The following ERCC6L2 variants were observed in gnomAD, a reference collection of about 807,000 sequenced individuals.
ERCC6L2 encodes the protein ERCC excision repair 6 like 2, also known as DNA excision repair protein ERCC-6-like 2.
ERCC6L2 carries 77 observed loss-of-function variants against 132.0 expected under a neutral mutation model. The observed-to-expected ratio is 0.58, with a 90% CI of 0.49 to 0.71. The LOEUF (loss-of-function observed/expected upper bound fraction) is 0.71, where lower values mean the gene tolerates loss of function less well. Ranked by LOEUF, ERCC6L2 falls within the 30% of genes least tolerant of loss-of-function variation. The probability of loss-of-function intolerance (pLI) is 0.00; values close to 1 mark genes in which losing one functional copy is unlikely to be tolerated. For missense variants in ERCC6L2, 1,542 were observed against 1,837.6 expected, an observed-to-expected ratio of 0.84 and a Z score of 2.94; for synonymous variants, 583 against 632.4, an observed-to-expected ratio of 0.92 and a Z score of 1.17.
chr9:96,028,775 C>T (rs1241522796), intron 19 of ERCC6L2, among the ~76,000 whole-genome samples: 1 of 152,184 alleles, frequency 6.6e-6, no homozygotes. Context: ...AAGGGATTAC[C>T]ATTCCAAACT....
At chr9:95,985,478 C>A (rs572027925) in intron 17 of ERCC6L2, among the ~76,000 whole-genome samples, 2 of 152,146 alleles carry the variant, frequency 1.3e-5, no homozygotes, top group African/African-American at 4.8e-5. Context: ...CACCTTTGAG[C>A]AGCATAAATG....
In ERCC6L2 at chr9:95,978,420, C is replaced by G. The variant is rs111366909; in HGVS notation, c.3492+205C>G. Among the ~76,000 whole-genome samples the G allele has an allele frequency of 5.3e-3, 806 of 152,196 alleles. 7 individuals carry two copies. Among genetic ancestry groups the G allele is most frequent in the Non-Finnish European group, 8.2e-3 (561 of 68,008 alleles). On this transcript the variant is annotated intron_variant, in intron 17 of 18. Transcript: ENST00000653738. ...AAACAACAAATTTATACCCAAATAC[C>G]TAATCATGTTGAGTTGCTTAATAGT...
Position 96,004,651 on chromosome 9 carries a change from T to C in ERCC6L2, c.3624T>C (p.His1208=). Residue 1208 remains histidine, a synonymous_variant, in exon 18 of 19, where the codon CAT becomes CAC. Transcript: ENST00000653738. ...PVNQKKKKVY[H]TNQTTFIIGE... The stretch of plus-strand genomic sequence containing the variant: ...ACCAGAAGAAGAAAAAAGTCTACCA[T>C]ACAAACCAGACCACCTTCATAATTG... The C allele has an allele frequency of 7.5e-7, 1 of 1,339,570 alleles. No individual in the cohort carries two copies. The highest frequency in any genetic ancestry group is 9.9e-7 in the Non-Finnish European group (1 of 1,006,806). The allele number at this position is 1,339,570 out of a possible 1,614,324, so 83.0% of individuals were successfully genotyped here. A position where few individuals can be genotyped will look rare whatever the true frequency, so the allele number is the denominator to read the frequency against.
chr9:96,038,932 G>A (rs1190780224), exon 20 of ERCC6L2: 1 of 456,154 alleles, frequency 2.2e-6, no homozygotes, highest in Non-Finnish European at 4.4e-6. Context: ...ATGTCATAAG[G>A]AAGCTCAAGC....
At chr9:95,882,260 A>G (rs1432224643) in intron 2 of ERCC6L2, among the ~76,000 whole-genome samples, 1 of 152,226 alleles carries the variant, frequency 6.6e-6, no homozygotes, top group Non-Finnish European at 1.5e-5. Context: ...CTTTTGTCAC[A>G]TTCTTCTCAT....
rs537651550 is a variant in ERCC6L2, at chr9:95,877,556, C to T, written c.46+1472C>T. 2.0e-5 allele frequency among the ~76,000 whole-genome samples: 3 copies of T among 152,238 alleles called. No homozygotes were observed. The South Asian group carries it at 6.2e-4, about 32-fold the overall frequency. Reference sequence around the variant, plus strand: ...TGTAATAGGCCAGGCGCATGGCTCACACCTGTAATCCCAGTACTTTGGGGA... The same window carrying T: ...TGTAATAGGCCAGGCGCATGGCTCATACCTGTAATCCCAGTACTTTGGGGA... On this transcript the variant is annotated intron_variant, in intron 1 of 18. Coordinates refer to ENST00000653738, the MANE Select transcript of ERCC6L2 (RefSeq NM_020207.7).
chr9:95,909,186 T>G (rs1829223422), intron 4 of ERCC6L2, among the ~76,000 whole-genome samples: 1 of 152,186 alleles, frequency 6.6e-6, no homozygotes, highest in African/African-American at 2.4e-5. Flanking sequence ...TGGTAAACTT[T>G]TTCTGTAAAG....
At chr9:95,994,475 GT>G (rs545780770) in intron 17 of ERCC6L2, among the ~76,000 whole-genome samples, 3 of 152,232 alleles carry the variant, frequency 2.0e-5, no homozygotes, top group African/African-American at 7.2e-5. Flanking sequence ...TCTTTGTTCT[GT>G]TTGCTCCGTG....
chr9:95,917,879 A>G (rs1031479553), intron 6 of ERCC6L2, among the ~76,000 whole-genome samples: 11 of 152,200 alleles, frequency 7.2e-5, no homozygotes, highest in African/African-American at 2.7e-4. Context: ...CACATAAGAA[A>G]TATTGAGTAA....
At chr9:95,965,563 C>T (rs1189831197) in intron 13 of ERCC6L2, among the ~76,000 whole-genome samples, 1 of 152,086 alleles carries the variant, frequency 6.6e-6, no homozygotes, top group Admixed American at 6.6e-5. Context: ...GGCTGGAGTG[C>T]AGTGGCGCCA....
chr9:95,966,589 GA>G lies in ERCC6L2; in HGVS notation c.1979del (p.Asn660MetfsTer46). The G allele has an allele frequency of 1.3e-6, 2 of 1,526,302 alleles. No individual in the cohort carries two copies. Among genetic ancestry groups the G allele is most frequent in the Non-Finnish European group, 8.9e-7 (1 of 1,119,590 alleles). The allele number at this position is 1,526,302 out of a possible 1,614,324, so 94.5% of individuals were successfully genotyped here. ...ACTTCACTGTGTGGTGGTTGGAAGT[GA>G]AAATGCCAAACGATATTTTGAAGCA... ...QQLHCVVVGS[E>X]NAKRYFEAVQ... On this transcript the variant is annotated frameshift_variant, in exon 14 of 19. Coordinates refer to ENST00000653738, the MANE Select transcript of ERCC6L2 (RefSeq NM_020207.7). LOFTEE classifies it high-confidence loss of function.
At position 95,956,019 on chromosome 9, in the gene ERCC6L2, T is replaced by G. The variant is rs368059547; in HGVS notation, c.1947+6T>G. 6.6e-7 allele frequency: 1 copy of G among 1,523,096 alleles called. No homozygotes were observed. Among genetic ancestry groups the G allele is most frequent in the African/African-American group, 1.4e-5 (1 of 71,956 alleles). The allele number at this position is 1,523,096 out of a possible 1,614,324, so 94.3% of individuals were successfully genotyped here. On this transcript the variant is annotated splice_donor_region_variant and intron_variant, in intron 13 of 18. Coordinates refer to ENST00000653738, the MANE Select transcript of ERCC6L2 (RefSeq NM_020207.7). ...TACGACAGATATACAAGCAGGTAAATATGTTTCCCTTTTTCTGTTTCAGAG... is the reference window on the plus strand; with the variant it reads ...TACGACAGATATACAAGCAGGTAAAGATGTTTCCCTTTTTCTGTTTCAGAG...
chr9:95,875,876 T>TA lies in ERCC6L2; in HGVS notation c.-163_-162insA. Reference sequence around the variant, plus strand: ...CCCTTAGTCGCTACCTTTGCTGGGATCCCCCTCCTCCATCCTGTGGCTTCG... The same window carrying TA: ...CCCTTAGTCGCTACCTTTGCTGGGATACCCCCTCCTCCATCCTGTGGCTTCG... On this transcript the variant is annotated 5_prime_UTR_variant, in exon 1 of 19. Transcript: ENST00000653738. 3.0e-6 allele frequency: 2 copies of TA among 677,528 alleles called. No homozygotes were observed. Among genetic ancestry groups the TA allele is most frequent in the East Asian group, 5.5e-5 (2 of 36,200 alleles). The allele number at this position is 677,528 out of a possible 1,614,324, so 42.0% of individuals were successfully genotyped here. A position where few individuals can be genotyped will look rare whatever the true frequency, so the allele number is the denominator to read the frequency against.
At chr9:95,880,770 G>T in intron 1 of ERCC6L2, 99 bp from the exon 2 acceptor site, 1 of 1,035,456 alleles carries the variant, frequency 9.7e-7, no homozygotes. Context: ...TTTGGAAAAG[G>T]CATTTATGTG....
At chr9:95,908,339 C>T (rs689710) in intron 4 of ERCC6L2, among the ~76,000 whole-genome samples, 37,106 of 151,900 alleles carry the variant, frequency 0.24, 5,509 homozygotes, top group East Asian at 0.4. Flanking sequence ...GAGAAAGAGA[C>T]ACCAAGGACA....
intron 17 of ERCC6L2, among the ~76,000 whole-genome samples, chr9:95,992,592 T>C (rs888316407): frequency 6.6e-6 from 1 of 152,248 alleles, no homozygotes; most frequent in African/African-American, 2.4e-5. Flanking sequence ...TAGCACTTTA[T>C]TATTAATAAT....
chr9:95,904,751 T>G (rs1828947247), intron 3 of ERCC6L2, among the ~76,000 whole-genome samples: 1 of 152,138 alleles, frequency 6.6e-6, no homozygotes, highest in Non-Finnish European at 1.5e-5. Flanking sequence ...CTCATCACAG[T>G]CCACACTACA....
chr9:95,966,056 A>G (rs932328753), intron 13 of ERCC6L2, among the ~76,000 whole-genome samples: 3 of 152,192 alleles, frequency 2.0e-5, no homozygotes, highest in Non-Finnish European at 2.9e-5. Context: ...AATTATGTCA[A>G]AGATGCAGTG....
At chr9:95,937,090 A>G (rs558117945) in intron 11 of ERCC6L2, among the ~76,000 whole-genome samples, 1 of 152,332 alleles carries the variant, frequency 6.6e-6, no homozygotes, top group Admixed American at 6.5e-5. Flanking sequence ...ACATTTGTGT[A>G]CAGACTTTTG....
Sources: gnomAD v4.1 joint callset for allele counts (sites outside exome capture counted in the v4.1 genomes callset) on GRCh38, gnomAD v4.1.1 for gene constraint, MANE v1.5 for transcripts, NCBI Gene and HGNC (gene_info 2026-07-23, HGNC 2026-07-21) for gene names.